Variants in SLC44A5 observed in about 807,000 individuals in gnomAD.
SLC44A5 encodes solute carrier family 44 member 5, also known as choline transporter-like protein 5.
A neutral mutation model predicts 101.8 loss-of-function variants in SLC44A5; 57 were observed. The ratio of observed to expected loss-of-function variants is 0.56; its 90% CI spans 0.45 to 0.70. The LOEUF (loss-of-function observed/expected upper bound fraction) is 0.70. Ranked by LOEUF, SLC44A5 falls within the 30% of genes least tolerant of loss-of-function variation. The probability of loss-of-function intolerance (pLI) is 0.00; values close to 1 mark genes in which losing one functional copy is unlikely to be tolerated. For synonymous variants in SLC44A5, 281 were observed against 290.9 expected, an observed-to-expected ratio of 0.97 and a Z score of 0.35; for missense variants, 737 against 853.1, an observed-to-expected ratio of 0.86 and a Z score of 1.70.
At chr1:75,426,975 A>G (rs1209517344) in intron 2 of SLC44A5, among the ~76,000 whole-genome samples, 1 of 152,182 alleles carries the variant, frequency 6.6e-6, no homozygotes, top group Admixed American at 6.5e-5. Flanking sequence ...CTGTGTTTCT[A>G]GGATCCCAGC....
At chr1:75,632,105 G>A in the SLC44A5 span, among the ~76,000 whole-genome samples, 1 of 152,076 alleles carries the variant, frequency 6.6e-6, no homozygotes, top group African/African-American at 2.4e-5. Flanking sequence ...TCCTGGATAA[G>A]GCTACCTTTT....
chr1:75,380,956 G>C lies in SLC44A5; in HGVS notation c.52+15627C>G, dbSNP rs186084529. Among the ~76,000 whole-genome samples the C allele has an allele frequency of 3.6e-3, 252 of 70,520 alleles. 1 individual carries two copies. Among genetic ancestry groups the C allele is most frequent in the African/African-American group, 0.012 (110 of 9,280 alleles). 46.3% of individuals were successfully genotyped at this position (70,520 alleles called of 152,430 possible). ...AGGGAGAGCACCAGGATGTTTAATGGCTGCAGTCCAAAATTGGTTGGTGGA... is the reference window on the plus strand; with the variant it reads ...AGGGAGAGCACCAGGATGTTTAATGCCTGCAGTCCAAAATTGGTTGGTGGA... On this transcript the variant is annotated intron_variant, in intron 3 of 23. Transcript: ENST00000370859.
chr1:75,428,140 G>A (rs566200464), intron 2 of SLC44A5, among the ~76,000 whole-genome samples: 103 of 152,298 alleles, frequency 6.8e-4, no homozygotes, highest in African/African-American at 2.4e-3. Flanking sequence ...TGTTACATGA[G>A]CAAGAAATAA....
At chr1:75,641,633 G>T in the SLC44A5 span, 5 of 1,487,916 alleles carry the variant, frequency 3.4e-6, no homozygotes, top group Non-Finnish European at 4.7e-6. Context: ...GTTCAAAATT[G>T]CATAACAAGG....
At chr1:75,262,533 A>G (rs1267443442) in intron 6 of SLC44A5, among the ~76,000 whole-genome samples, 1 of 152,206 alleles carries the variant, frequency 6.6e-6, no homozygotes, top group Non-Finnish European at 1.5e-5. Flanking sequence ...GGAAGAAACA[A>G]TATTGTGAAA....
the SLC44A5 span, among the ~76,000 whole-genome samples, chr1:75,631,795 C>A: frequency 4.1e-4 from 62 of 152,056 alleles, no homozygotes; most frequent in Middle Eastern, 6.8e-3. Flanking sequence ...CCTTGGCCCC[C>A]CAAAGCGCTG....
Position 75,237,005 on chromosome 1 carries a change from G to A in SLC44A5, c.722C>T (p.Thr241Ile). 1 of 1,595,840 alleles carries A rather than the reference G, an allele frequency of 6.3e-7. No homozygotes were observed. The highest frequency in any genetic ancestry group is 8.6e-7 in the Non-Finnish European group (1 of 1,166,302). ...GLKVFEDYARTWYWILIGLTI... is the reference protein window; with the variant it reads ...GLKVFEDYARIWYWILIGLTI... ...CACTTACATGAGAATCCAATACCAA[G>A]TTCTTGCATAGTCTTCAAACACTTT... is the stretch of plus-strand genomic sequence containing the variant. The change falls in exon 11 of 24, where the codon ACT becomes ATT. Residue 241 changes from threonine to isoleucine, a missense_variant. By Grantham distance (89) the Thr-to-Ile change is moderately conservative (BLOSUM62 -1). Coordinates refer to ENST00000370859, the MANE Select transcript of SLC44A5 (RefSeq NM_001130058.2).
At chr1:75,678,632 CA>C in the SLC44A5 span, among the ~76,000 whole-genome samples, 2 of 149,706 alleles carry the variant, frequency 1.3e-5, no homozygotes, top group African/African-American at 2.5e-5. Context: ...CATCAAAGAC[CA>C]AAAGTAGATA....
the SLC44A5 span, among the ~76,000 whole-genome samples, chr1:75,695,571 A>T: frequency 6.6e-6 from 1 of 151,946 alleles, no homozygotes; most frequent in South Asian, 2.1e-4. Flanking sequence ...ATACATCCCC[A>T]ATTCCTAGGA....
chr1:75,270,069 C>T (rs1355408106), intron 6 of SLC44A5, among the ~76,000 whole-genome samples: 1 of 152,098 alleles, frequency 6.6e-6, no homozygotes, highest in African/African-American at 2.4e-5. Context: ...GATTGTGAGG[C>T]CTCCCCAACC....
At chr1:75,216,019 TC>T (rs1199425827) in intron 18 of SLC44A5, among the ~76,000 whole-genome samples, 162 bp from the exon 19 acceptor site, 16 of 152,056 alleles carry the variant, frequency 1.1e-4, no homozygotes, top group African/African-American at 3.9e-4. Flanking sequence ...AGTGTACAGT[TC>T]AGTGGCACTG....
At chr1:75,300,961 A>T in intron 4 of SLC44A5, among the ~76,000 whole-genome samples, 1 of 152,228 alleles carries the variant, frequency 6.6e-6, no homozygotes, top group East Asian at 1.9e-4. Flanking sequence ...TAAAGATTAG[A>T]GTATGCCAAC....
chr1:75,523,515 T>C (rs1670255157), intron 2 of SLC44A5, among the ~76,000 whole-genome samples: 2 of 151,198 alleles, frequency 1.3e-5, no homozygotes, highest in Admixed American at 1.3e-4. Flanking sequence ...AGAGATGGAG[T>C]TTTGCCATGT....
chr1:75,335,540 G>A (rs543332634), intron 4 of SLC44A5, among the ~76,000 whole-genome samples: 1 of 152,290 alleles, frequency 6.6e-6, no homozygotes, highest in African/African-American at 2.4e-5. Flanking sequence ...CAAGAGAGCA[G>A]GATCCTTACA....
chr1:75,692,128 A>G, the SLC44A5 span, among the ~76,000 whole-genome samples: 207 of 151,934 alleles, frequency 1.4e-3, no homozygotes, highest in African/African-American at 4.8e-3. Flanking sequence ...AGTAAAAAAC[A>G]CAGAGAGAGA....
chr1:75,373,757 C>G (rs1557714658), intron 3 of SLC44A5, among the ~76,000 whole-genome samples: 1 of 152,166 alleles, frequency 6.6e-6, no homozygotes, highest in South Asian at 2.1e-4. Context: ...TACTGCCCCA[C>G]CTGAGTGTTT....
chr1:75,689,426 C>T, the SLC44A5 span, among the ~76,000 whole-genome samples: 1 of 152,164 alleles, frequency 6.6e-6, no homozygotes, highest in African/African-American at 2.4e-5. Flanking sequence ...AAGGGGGGAA[C>T]TCCACAAATG....
At chr1:75,380,149 AC>A (rs1394232164) in intron 3 of SLC44A5, among the ~76,000 whole-genome samples, 2 of 79,124 alleles carry the variant, frequency 2.5e-5, no homozygotes, top group Non-Finnish European at 4.3e-5. Context: ...TAAGCCAGTT[AC>A]CACAATACAA....
the SLC44A5 span, among the ~76,000 whole-genome samples, chr1:75,698,435 T>A: frequency 6.6e-6 from 1 of 152,120 alleles, no homozygotes; most frequent in Admixed American, 6.5e-5. Flanking sequence ...GACCTGCAAC[T>A]GAGGGTCCTG....
Sources: allele counts gnomAD v4.1 joint callset (sites outside exome capture counted in the v4.1 genomes callset), GRCh38; gene constraint gnomAD v4.1.1; transcripts MANE v1.5; gene names NCBI Gene and HGNC (gene_info 2026-07-23, HGNC 2026-07-21).